The following ROR1 variants were observed in gnomAD, a reference collection of about 807,000 sequenced individuals.
ROR1 encodes the protein ROR family WNT receptor 1.
ROR1 carries 19 observed loss-of-function variants against 78.8 expected under a neutral mutation model. That is an observed-to-expected ratio of 0.24 (90% CI 0.17 to 0.35). The LOEUF is 0.35. ROR1 is among the 10% of genes least tolerant of loss of function. The probability of loss-of-function intolerance (pLI) is 1.00; values close to 1 mark genes in which losing one functional copy is unlikely to be tolerated. For synonymous variants in ROR1, 386 were observed against 433.6 expected, an observed-to-expected ratio of 0.89 and a Z score of 1.36; for missense variants, 917 against 1,177.8, an observed-to-expected ratio of 0.78 and a Z score of 3.24.
chr1:64,115,111 C>T (rs547681302), intron 4 of ROR1, among the ~76,000 whole-genome samples: 26 of 152,192 alleles, frequency 1.7e-4, no homozygotes, highest in Admixed American at 1.5e-3. Context: ...ACTACAGGCA[C>T]GTGCCCAGTT....
At chr1:64,045,587 T>C (rs1371876140) in intron 2 of ROR1, among the ~76,000 whole-genome samples, 1 of 152,158 alleles carries the variant, frequency 6.6e-6, no homozygotes, top group East Asian at 1.9e-4. Flanking sequence ...ATAATTTGTT[T>C]AAAATCTCAC....
intron 4 of ROR1, among the ~76,000 whole-genome samples, chr1:64,051,534 A>G (rs998328729): frequency 2.0e-5 from 3 of 152,044 alleles, no homozygotes; most frequent in African/African-American, 7.2e-5. Context: ...TGGGAAAGAA[A>G]GTCCCAAGCT....
intron 2 of ROR1, among the ~76,000 whole-genome samples, chr1:64,012,036 C>A (rs1036097809): frequency 6.6e-6 from 1 of 152,134 alleles, no homozygotes; most frequent in Non-Finnish European, 1.5e-5. Flanking sequence ...AGAAAATAAT[C>A]CATTGCCAAG....
chr1:63,997,679 GT>G (rs5774675), intron 1 of ROR1, among the ~76,000 whole-genome samples: 115,145 of 151,850 alleles, frequency 0.76, 44,338 homozygotes, highest in East Asian at 0.94. Context: ...TGCAGGTTAT[GT>G]TAAGACTCAC....
intron 1 of ROR1, among the ~76,000 whole-genome samples, chr1:63,781,200 G>A (rs116708316): frequency 0.024 from 3,635 of 152,236 alleles, 51 homozygotes; most frequent in Non-Finnish European, 0.039. Flanking sequence ...TACAGTATTC[G>A]TGTCCAGGAA....
chr1:64,139,780 A>G (rs1569841831), intron 5 of ROR1, among the ~76,000 whole-genome samples: 1 of 152,248 alleles, frequency 6.6e-6, no homozygotes, highest in Non-Finnish European at 1.5e-5. Flanking sequence ...CAAAACTAAT[A>G]AAAAGCACCA....
intron 8 of ROR1, among the ~76,000 whole-genome samples, chr1:64,164,189 C>G (rs903684646): frequency 6.6e-6 from 1 of 152,264 alleles, no homozygotes; most frequent in African/African-American, 2.4e-5. Context: ...TCTAGCTCCC[C>G]CTTGAGTGTA....
intron 8 of ROR1, among the ~76,000 whole-genome samples, chr1:64,162,206 G>T (rs1347622287): frequency 1.3e-5 from 2 of 152,134 alleles, no homozygotes; most frequent in Non-Finnish European, 2.9e-5. Flanking sequence ...GAGACTCTAG[G>T]GTTCTTATTT....
In ROR1 at chr1:64,049,791, C is replaced by T. The variant is rs1254867837; in HGVS notation, c.264C>T (p.Thr88=). The change falls in exon 3 of 9, where the codon ACC becomes ACT. Residue 88 remains threonine, a synonymous_variant. Transcript: ENST00000371079. ...AAGTCTCTGGGAATCCACCTCCCAC[C>T]ATCCGCTGGTTCAAAAATGATGCTC... ...HCKVSGNPPP[T]IRWFKNDAPV... 5 of 1,614,230 alleles carry T rather than the reference C, an allele frequency of 3.1e-6. No homozygotes were observed. The highest frequency in any genetic ancestry group is 1.7e-5 in the Admixed American group (1 of 60,028).
intron 1 of ROR1, among the ~76,000 whole-genome samples, chr1:63,997,363 C>G (rs1557601180): frequency 6.6e-6 from 1 of 152,198 alleles, no homozygotes; most frequent in Non-Finnish European, 1.5e-5. Flanking sequence ...ATTCAGTGGT[C>G]AACCAATTAA....
At chr1:63,915,060 C>T (rs141371001) in intron 1 of ROR1, among the ~76,000 whole-genome samples, 382 of 152,292 alleles carry the variant, frequency 2.5e-3, no homozygotes, top group African/African-American at 8.7e-3. Flanking sequence ...CTCATCAAAT[C>T]CTCACAACAA....
chr1:63,845,211 C>T (rs1645073556), intron 1 of ROR1, among the ~76,000 whole-genome samples: 1 of 152,102 alleles, frequency 6.6e-6, no homozygotes, highest in Non-Finnish European at 1.5e-5. Flanking sequence ...GTGTTAAGAA[C>T]TTTCAAATAA....
chr1:63,991,505 C>T (rs1055946870), intron 1 of ROR1, among the ~76,000 whole-genome samples: 2 of 152,140 alleles, frequency 1.3e-5, no homozygotes, highest in African/African-American at 4.8e-5. Flanking sequence ...TGGAATGATG[C>T]CACACTGCCT....
intron 1 of ROR1, among the ~76,000 whole-genome samples, chr1:63,809,838 G>A (rs971650753): frequency 1.3e-5 from 2 of 152,136 alleles, no homozygotes; most frequent in Non-Finnish European, 1.5e-5. Context: ...TTTAGGTTTT[G>A]GATTTTCTTA....
chr1:64,097,470 G>A (rs1647342039), intron 4 of ROR1, among the ~76,000 whole-genome samples: 1 of 151,980 alleles, frequency 6.6e-6, no homozygotes, highest in African/African-American at 2.4e-5. Context: ...CAAATGCTCT[G>A]GGGATTAGGA....
At chr1:64,040,974 C>G (rs1306419827) in intron 2 of ROR1, among the ~76,000 whole-genome samples, 1 of 152,116 alleles carries the variant, frequency 6.6e-6, no homozygotes, top group East Asian at 1.9e-4. Flanking sequence ...ATCATAGCAC[C>G]TTTGGTGTGG....
At chr1:64,008,558 G>A (rs1342328611) in intron 1 of ROR1, among the ~76,000 whole-genome samples, 1 of 152,122 alleles carries the variant, frequency 6.6e-6, no homozygotes, top group Non-Finnish European at 1.5e-5. Flanking sequence ...CACAGTGGTG[G>A]AACTAATTTA....
chr1:63,875,444 C>T (rs770987454), intron 1 of ROR1, among the ~76,000 whole-genome samples: 45 of 152,120 alleles, frequency 3.0e-4, no homozygotes, highest in Non-Finnish European at 5.3e-4. Flanking sequence ...TCTGTTTCCT[C>T]GTCTGTGAAA....
intron 1 of ROR1, among the ~76,000 whole-genome samples, chr1:63,910,378 A>C (rs1645561371): frequency 6.6e-6 from 1 of 152,182 alleles, no homozygotes; most frequent in Non-Finnish European, 1.5e-5. Flanking sequence ...CATTCACAGA[A>C]AGGGCTCATT....
Sources: gnomAD v4.1 joint callset for allele counts (sites outside exome capture counted in the v4.1 genomes callset) on GRCh38, gnomAD v4.1.1 for gene constraint, MANE v1.5 for transcripts, NCBI Gene and HGNC (gene_info 2026-07-23, HGNC 2026-07-21) for gene names.